Variants in ZNF143 observed in about 807,000 individuals in gnomAD.
ZNF143 encodes the protein SPH-binding factor.
Under a neutral mutation model 74.1 loss-of-function variants are expected in ZNF143, and 49 were observed. The ratio of observed to expected loss-of-function variants is 0.66; its 90% CI spans 0.53 to 0.84. The LOEUF (loss-of-function observed/expected upper bound fraction) is 0.84. ZNF143 is among the 40% of genes least tolerant of loss of function. The pLI is 0.00. For missense variants in ZNF143, 637 were observed against 793.4 expected (o/e 0.80, Z 2.37); for synonymous variants, 304 against 282.8 (o/e 1.07, Z -0.75).
At chr11:9,473,145 C>T (rs1856684005) in intron 3 of ZNF143, among the ~76,000 whole-genome samples, 1 of 152,032 alleles carries the variant, frequency 6.6e-6, no homozygotes, top group African/African-American at 2.4e-5. Flanking sequence ...AATCCCAACG[C>T]TTTGGAAGGC....
chr11:9,512,696 G>A, intron 13 of ZNF143, 100 bp downstream of exon 13: 1 of 1,484,030 alleles, frequency 6.7e-7, no homozygotes, highest in Non-Finnish European at 9.2e-7. Flanking sequence ...AAATATCAGG[G>A]CACAAAGTTT....
rs887307030 is a variant in ZNF143, at chr11:9,487,092, G to A, written c.645+7546G>A. 3.6e-4 allele frequency among the ~76,000 whole-genome samples: 54 copies of A among 149,642 alleles called. 1 individual carries two copies. The highest frequency in any genetic ancestry group is 5.5e-4 in the African/African-American group (22 of 39,910). On this transcript the variant is annotated intron_variant, in intron 7 of 15. Transcript: ENST00000396602. ...AGCAATTCTCCTGCCTCAGCCTCCC[G>A]AGTAGCTGGGAATACAGGTGCCTGC...
At chr11:9,481,047 G>A (rs144956595) in intron 7 of ZNF143, among the ~76,000 whole-genome samples, 152 of 152,142 alleles carry the variant, frequency 1.0e-3, no homozygotes, top group African/African-American at 3.4e-3. Flanking sequence ...TGTGTGATTC[G>A]TAGCAAAATT....
At chr11:9,504,673 C>CTTTTTTTTTTTT (rs869310966) in intron 11 of ZNF143, among the ~76,000 whole-genome samples, 1 of 89,446 alleles carries the variant, frequency 1.1e-5, no homozygotes, top group Non-Finnish European at 2.6e-5. Flanking sequence ...TTTCTTTTTT[C>CTTTTTTTTTTTT]TTTTTTTTTT....
intron 1 of ZNF143, among the ~76,000 whole-genome samples, chr11:9,464,339 G>A (rs888182772): frequency 6.6e-6 from 1 of 152,138 alleles, no homozygotes; most frequent in Non-Finnish European, 1.5e-5. Flanking sequence ...GGTGGCTCAC[G>A]CCTATAATCC....
intron 15 of ZNF143, 70 bp from the exon 16 acceptor site, chr11:9,527,460 C>T (rs868312578): frequency 1.4e-6 from 2 of 1,437,226 alleles, no homozygotes; most frequent in Admixed American, 3.4e-5. Flanking sequence ...TGGCATATAA[C>T]ATTTCTTTGG....
intron 7 of ZNF143, among the ~76,000 whole-genome samples, chr11:9,489,997 A>G (rs979713400): frequency 3.3e-5 from 5 of 151,956 alleles, no homozygotes; most frequent in Non-Finnish European, 7.4e-5. Context: ...CCTAGACAAC[A>G]TGACAAGACT....
At chr11:9,473,690 G>C (rs572861828) in intron 3 of ZNF143, 1 of 1,165,110 alleles carries the variant, frequency 8.6e-7, no homozygotes, top group South Asian at 1.3e-5. Flanking sequence ...AGCCTGCTGT[G>C]ATGAGCCACT....
Position 9,475,789 on chromosome 11 carries a change from A to C in ZNF143, c.373+1156A>C, listed in dbSNP as rs953255229. On this transcript the variant is annotated intron_variant, in intron 5 of 15. Coordinates refer to ENST00000396602, the MANE Select transcript of ZNF143 (RefSeq NM_003442.6). ...GTGCATGCCTTCAATCCTGGCTACT[A>C]GGGAGGCTGAGGCAGGAGAATCGCT... is the stretch of plus-strand genomic sequence containing the variant. Among the ~76,000 whole-genome samples the C allele has an allele frequency of 2.0e-5, 3 of 152,116 alleles. No individual in the cohort carries two copies. In the East Asian group the frequency reaches 5.8e-4, roughly 29 times the overall value.
At chr11:9,462,894 T>C (rs914247132) in intron 1 of ZNF143, among the ~76,000 whole-genome samples, 2 of 152,094 alleles carry the variant, frequency 1.3e-5, no homozygotes, top group South Asian at 2.1e-4. Context: ...AGTTGAATTT[T>C]AATATATTCA....
At chr11:9,484,799 G>GTTTTT (rs1316309780) in intron 7 of ZNF143, among the ~76,000 whole-genome samples, 3 of 24,240 alleles carry the variant, frequency 1.2e-4, no homozygotes, top group African/African-American at 1.9e-4. Context: ...CCTGGCCAAA[G>GTTTTT]ATTTTTTTTT....
intron 12 of ZNF143, 48 bp from the exon 13 acceptor site, chr11:9,512,400 A>G: frequency 6.3e-7 from 1 of 1,586,576 alleles, no homozygotes. Flanking sequence ...CTATTTTCTA[A>G]ACAAATTGGT....
At position 9,487,799 on chromosome 11, in the gene ZNF143, A is replaced by G. The variant is rs569828360; in HGVS notation, c.646-6847A>G. On this transcript the variant is annotated intron_variant, in intron 7 of 15. Transcript: ENST00000396602. The stretch of plus-strand genomic sequence containing the variant: ...CTTGAGAGTTTTCACTTGTGATGAC[A>G]TATCAGATTGCTGTTTCTTTGACAG... 2.0e-5 allele frequency among the ~76,000 whole-genome samples: 3 copies of G among 152,342 alleles called. No homozygotes were observed. In the East Asian group the frequency reaches 5.8e-4, roughly 29 times the overall value.
chr11:9,471,193 C>G, intron 1 of ZNF143, 109 bp from the exon 2 acceptor site: 1 of 870,340 alleles, frequency 1.1e-6, no homozygotes, highest in Non-Finnish European at 1.7e-6. Context: ...CATCTTATTT[C>G]CAACACCATT....
intron 1 of ZNF143, among the ~76,000 whole-genome samples, chr11:9,468,730 A>G (rs1856392057): frequency 6.6e-6 from 1 of 152,232 alleles, no homozygotes; most frequent in African/African-American, 2.4e-5. Context: ...CTATAATCCC[A>G]GCTACTCAGG....
At chr11:9,490,605 T>A (rs960100389) in intron 7 of ZNF143, among the ~76,000 whole-genome samples, 1 of 152,038 alleles carries the variant, frequency 6.6e-6, no homozygotes, top group Non-Finnish European at 1.5e-5. Context: ...TGTTCTTCAC[T>A]ATGGTATCCA....
intron 7 of ZNF143, among the ~76,000 whole-genome samples, chr11:9,483,660 A>G (rs772131147): frequency 8.0e-5 from 12 of 150,096 alleles, no homozygotes; most frequent in South Asian, 2.1e-4. Flanking sequence ...CTGGAGTGCA[A>G]TGGTGCAGTG....
chr11:9,517,304 G>GT (rs768984033), intron 14 of ZNF143, among the ~76,000 whole-genome samples: 63 of 146,480 alleles, frequency 4.3e-4, no homozygotes, highest in African/African-American at 9.5e-4. Context: ...TCCTCATTCT[G>GT]TTTTTTTTTT....
chr11:9,501,352 A>C, intron 11 of ZNF143, 82 bp downstream of exon 11: 1 of 1,473,666 alleles, frequency 6.8e-7, no homozygotes, highest in Non-Finnish European at 9.3e-7. Context: ...TTTCCAACTA[A>C]TCTCTTCCCT....
Sources: allele counts gnomAD v4.1 joint callset (sites outside exome capture counted in the v4.1 genomes callset), GRCh38; gene constraint gnomAD v4.1.1; transcripts MANE v1.5; gene names NCBI Gene and HGNC (gene_info 2026-07-23, HGNC 2026-07-21).